The following ASTN1 variants were observed in gnomAD, a reference collection of about 807,000 sequenced individuals.
ASTN1 encodes the protein astrotactin 1, also known as astrotactin-1.
Under a neutral mutation model 140.7 loss-of-function variants are expected in ASTN1, and 41 were observed. The ratio of observed to expected loss-of-function variants is 0.29; its 90% CI spans 0.23 to 0.38. The LOEUF (loss-of-function observed/expected upper bound fraction) is 0.38, where lower values mean the gene tolerates loss of function less well. ASTN1 is among the 10% of genes least tolerant of loss of function. The probability of loss-of-function intolerance (pLI) is 1.00; values close to 1 mark genes in which losing one functional copy is unlikely to be tolerated. For missense variants in ASTN1, 1,479 were observed against 1,678.8 expected, an observed-to-expected ratio of 0.88 and a Z score of 2.08; for synonymous variants, 640 against 652.2, an observed-to-expected ratio of 0.98 and a Z score of 0.29.
rs138167331 is a variant in ASTN1 at position 176,950,710 on chromosome 1, C to G, written c.1888-1359G>C. ...AGCAGGTAAATAACTTGCACAAGGT[C>G]AAGCAGCAGGAGTCGGGCAGAACTG... is the stretch of plus-strand genomic sequence containing the variant. On this transcript the variant is annotated intron_variant, in intron 11 of 22. Coordinates refer to ENST00000361833, the MANE Select transcript of ASTN1 (RefSeq NM_004319.3). 1.2e-3 allele frequency among the ~76,000 whole-genome samples: 187 copies of G among 152,088 alleles called. 2 individuals carry two copies. The highest frequency in any genetic ancestry group is 4.3e-3 in the African/African-American group (179 of 41,474).
At chr1:177,150,299 A>T (rs1682970253) in intron 1 of ASTN1, among the ~76,000 whole-genome samples, 1 of 152,052 alleles carries the variant, frequency 6.6e-6, no homozygotes, top group African/African-American at 2.4e-5. Context: ...GTAGACTAGA[A>T]CCCAGATAAC....
At chr1:177,085,754 C>A (rs1334100429) in intron 1 of ASTN1, among the ~76,000 whole-genome samples, 1 of 152,194 alleles carries the variant, frequency 6.6e-6, no homozygotes, top group Non-Finnish European at 1.5e-5. Context: ...AGCATGCGTA[C>A]ATGTGTGGTT....
At chr1:177,141,997 A>G (rs934252580) in intron 1 of ASTN1, among the ~76,000 whole-genome samples, 3 of 152,326 alleles carry the variant, frequency 2.0e-5, no homozygotes, top group Admixed American at 2.0e-4. Flanking sequence ...TAGAATGAAT[A>G]AATGGCCCAA....
intron 17 of ASTN1, among the ~76,000 whole-genome samples, chr1:176,891,080 G>A (rs1439959403): frequency 6.6e-6 from 1 of 152,066 alleles, no homozygotes; most frequent in Non-Finnish European, 1.5e-5. Context: ...TCTGAATCCT[G>A]GGCTGCAGGT....
At chr1:176,970,345 T>A (rs910049645) in intron 8 of ASTN1, among the ~76,000 whole-genome samples, 4 of 152,206 alleles carry the variant, frequency 2.6e-5, no homozygotes, top group African/African-American at 7.2e-5. Context: ...GACTGGATGC[T>A]CCCTTCATAT....
chr1:176,877,002 G>A (rs1325793600), intron 20 of ASTN1, among the ~76,000 whole-genome samples: 1 of 152,254 alleles, frequency 6.6e-6, no homozygotes, highest in East Asian at 1.9e-4. Flanking sequence ...CTCTAGGGAT[G>A]GGAACCAGAC....
At chr1:177,080,779 C>T (rs767013868) in intron 1 of ASTN1, among the ~76,000 whole-genome samples, 3 of 152,058 alleles carry the variant, frequency 2.0e-5, no homozygotes, top group Non-Finnish European at 2.9e-5. Context: ...ATCAGACAGA[C>T]GTGGTTAGAC....
chr1:176,893,986 G>T (rs909438983), intron 17 of ASTN1, among the ~76,000 whole-genome samples: 1 of 152,174 alleles, frequency 6.6e-6, no homozygotes, highest in Non-Finnish European at 1.5e-5. Context: ...AAATGTCATG[G>T]CCCAGCAGCA....
intron 8 of ASTN1, among the ~76,000 whole-genome samples, chr1:176,995,998 G>A (rs1432148335): frequency 6.6e-6 from 1 of 152,144 alleles, no homozygotes; most frequent in African/African-American, 2.4e-5. Flanking sequence ...CCCAACTTAA[G>A]AATTCCATAA....
chr1:176,863,567 A>T lies in ASTN1; in HGVS notation c.*717T>A. ...GGCATCTTGTTCCCTCTCAAAGATC[A>T]TGTTGTTCAGAGGAAGGGACAGAGA... On this transcript the variant is annotated 3_prime_UTR_variant, in exon 23 of 23. Transcript: ENST00000361833. 3 of 985,450 alleles carry T rather than the reference A, an allele frequency of 3.0e-6. No individual in the cohort carries two copies. Among genetic ancestry groups the T allele is most frequent in the Non-Finnish European group, 3.6e-6 (3 of 829,930 alleles). The allele number at this position is 985,450 out of a possible 1,614,324, so 61.0% of individuals were successfully genotyped here. A position where few individuals can be genotyped will look rare whatever the true frequency, so the allele number is the denominator to read the frequency against.
chr1:177,137,964 G>C (rs751725004), intron 1 of ASTN1, among the ~76,000 whole-genome samples: 6 of 152,162 alleles, frequency 3.9e-5, no homozygotes, highest in Non-Finnish European at 7.3e-5. Context: ...ACTTAAAGGA[G>C]GGAGAAGGTG....
rs530172474 is a variant in ASTN1 at position 177,132,235 on chromosome 1, A to G, written c.283+32159T>C. Reference sequence around the variant, plus strand: ...AACATGTGAACAAAGACAAATAACAATCTAATCAATTCCTTTCTCCTGAGT... The same window carrying G: ...AACATGTGAACAAAGACAAATAACAGTCTAATCAATTCCTTTCTCCTGAGT... On this transcript the variant is annotated intron_variant, in intron 1 of 22. Coordinates refer to ENST00000361833, the MANE Select transcript of ASTN1 (RefSeq NM_004319.3). Among the ~76,000 whole-genome samples, 52 of 152,320 alleles carry G rather than the reference A, an allele frequency of 3.4e-4. No homozygotes were observed. In the South Asian group the frequency reaches 0.011, roughly 31 times the overall value.
At chr1:176,954,365 T>C (rs1315865968) in intron 11 of ASTN1, among the ~76,000 whole-genome samples, 1 of 152,086 alleles carries the variant, frequency 6.6e-6, no homozygotes, top group Non-Finnish European at 1.5e-5. Flanking sequence ...GCTTTAAATA[T>C]GGGGAAGAGT....
At chr1:176,956,857 A>G (rs1672427053) in intron 11 of ASTN1, among the ~76,000 whole-genome samples, 1 of 152,220 alleles carries the variant, frequency 6.6e-6, no homozygotes, top group South Asian at 2.1e-4. Context: ...TGTGGGAGAT[A>G]GCTCAATCTA....
At chr1:176,986,975 G>A (rs1160713058) in intron 8 of ASTN1, among the ~76,000 whole-genome samples, 1 of 152,120 alleles carries the variant, frequency 6.6e-6, no homozygotes, top group African/African-American at 2.4e-5. Flanking sequence ...TACAATGGGG[G>A]CAAGCGTGGA....
intron 2 of ASTN1, among the ~76,000 whole-genome samples, chr1:177,044,921 G>T (rs1044633786): frequency 1.3e-5 from 2 of 152,102 alleles, no homozygotes; most frequent in African/African-American, 4.8e-5. Context: ...CAGTTCTGTT[G>T]TAAGGGAGAG....
intron 9 of ASTN1, 78 bp from the exon 10 acceptor site, chr1:176,958,560 C>G: frequency 6.8e-7 from 1 of 1,468,544 alleles, no homozygotes; most frequent in Non-Finnish European, 9.1e-7. Context: ...CATTCCATTA[C>G]CAGTGCTTTC....
At chr1:176,945,802 T>A (rs1342451702) in intron 13 of ASTN1, 124 bp downstream of exon 13, 21 of 911,844 alleles carry the variant, frequency 2.3e-5, no homozygotes, top group Middle Eastern at 2.4e-4. Flanking sequence ...AAGAATGTAG[T>A]CTATCCCTTT....
chr1:176,978,244 T>C (rs1203045550), intron 8 of ASTN1, among the ~76,000 whole-genome samples: 1 of 152,102 alleles, frequency 6.6e-6, no homozygotes, highest in Non-Finnish European at 1.5e-5. Flanking sequence ...AGCCATAACA[T>C]GATGGTACCT....
Sources: allele counts gnomAD v4.1 joint callset (sites outside exome capture counted in the v4.1 genomes callset), GRCh38; gene constraint gnomAD v4.1.1; transcripts MANE v1.5; gene names NCBI Gene and HGNC (gene_info 2026-07-23, HGNC 2026-07-21).